Variants in USP46 observed in about 807,000 individuals in gnomAD.
The protein encoded by USP46 is ubiquitin carboxyl-terminal hydrolase 46.
A neutral mutation model predicts 44.4 loss-of-function variants in USP46; 12 were observed. The ratio of observed to expected loss-of-function variants is 0.27; its 90% CI spans 0.17 to 0.44. The LOEUF is 0.44. USP46 is among the 20% of genes least tolerant of loss of function. The pLI, the probability that USP46 is intolerant of heterozygous loss-of-function variation, is 1.00. For missense variants in USP46, 248 were observed against 444.8 expected (o/e 0.56, Z 3.98); for synonymous variants, 155 against 161.5 (o/e 0.96, Z 0.31).
At chr4:52,621,698 T>C (rs1020317924) in intron 4 of USP46, among the ~76,000 whole-genome samples, 3 of 151,984 alleles carry the variant, frequency 2.0e-5, no homozygotes, top group Admixed American at 6.6e-5. Flanking sequence ...GTAACTAACT[T>C]ACCACCACTT....
intron 1 of USP46, among the ~76,000 whole-genome samples, chr4:52,651,967 T>C (rs1718785370): frequency 6.6e-6 from 1 of 152,222 alleles, no homozygotes; most frequent in Non-Finnish European, 1.5e-5. Context: ...AATCCATCCC[T>C]ACCTTTCATG....
chr4:52,656,270 T>C, intron 1 of USP46: 7 of 1,550,568 alleles, frequency 4.5e-6, no homozygotes, highest in Non-Finnish European at 6.1e-6. Flanking sequence ...AGCTAAGCAG[T>C]GAGAAGGGAC....
At chr4:52,627,521 G>A (rs1018297225) in intron 3 of USP46, among the ~76,000 whole-genome samples, 1 of 152,204 alleles carries the variant, frequency 6.6e-6, no homozygotes, top group African/African-American at 2.4e-5. Context: ...CAGAGGTATT[G>A]TATTTAAAAC....
intron 4 of USP46, among the ~76,000 whole-genome samples, chr4:52,614,760 A>C (rs1437891800): frequency 6.6e-6 from 1 of 152,362 alleles, no homozygotes; most frequent in East Asian, 1.9e-4. Flanking sequence ...TAATTTTTGT[A>C]TAATATTCAC....
rs10023867 is a variant in USP46 at position 52,630,384 on chromosome 4, A to G, written c.117+680T>C. The stretch of plus-strand genomic sequence containing the variant: ...GCAATGTGCTGGTAATGTTTTTAAA[A>G]CACTGGTTGTACTGATGCATACTTA... On this transcript the variant is annotated intron_variant, in intron 2 of 8. Coordinates refer to ENST00000441222, the MANE Select transcript of USP46 (RefSeq NM_022832.4). Among the ~76,000 whole-genome samples, 1,029 of 152,320 alleles carry G rather than the reference A, an allele frequency of 6.8e-3. 10 individuals are homozygous for G. The highest frequency in any genetic ancestry group is 0.05 in the East Asian group (260 of 5,186).
chr4:52,626,331 A>ATT, intron 3 of USP46, 84 bp from the exon 4 acceptor site: 2 of 1,104,904 alleles, frequency 1.8e-6, no homozygotes, highest in Non-Finnish European at 2.5e-6. Flanking sequence ...ATACTTAAAT[A>ATT]TTTTTTTTTT....
chr4:52,659,102 C>T lies in USP46; in HGVS notation c.36+13G>A. 1 of 1,557,232 alleles carries T rather than the reference C, an allele frequency of 6.4e-7. No homozygotes were observed. The highest frequency in any genetic ancestry group is 1.7e-4 in the Middle Eastern group (1 of 5,936). On this transcript the variant is annotated intron_variant, in intron 1 of 8. Transcript: ENST00000441222. This position sits in a 1 kb window ranked among gnomAD's most constrained non-coding sequence, Gnocchi z 4.2. The stretch of plus-strand genomic sequence containing the variant: ...CGAGTCGGGCGCGACCCCGAGGCGG[C>T]TCGGCCACTCACCATATTACAGATG...
At chr4:52,598,763 C>T in intron 7 of USP46, 57 bp from the exon 8 acceptor site, 2 of 1,469,488 alleles carry the variant, frequency 1.4e-6, no homozygotes, top group East Asian at 2.4e-5. Flanking sequence ...CTTTATAAAA[C>T]TCTACTTAGC....
chr4:52,656,810 T>G (rs1577704577), intron 1 of USP46, among the ~76,000 whole-genome samples: 1 of 151,552 alleles, frequency 6.6e-6, no homozygotes, highest in African/African-American at 2.4e-5. Context: ...GAGGCTGAGG[T>G]GGGAGGACCA....
At chr4:52,632,480 C>T (rs984823081) in intron 1 of USP46, among the ~76,000 whole-genome samples, 1 of 152,140 alleles carries the variant, frequency 6.6e-6, no homozygotes, top group African/African-American at 2.4e-5. Flanking sequence ...AGACTAACAG[C>T]TCACAGAAAC....
chr4:52,639,186 A>C (rs1244254956), intron 1 of USP46, among the ~76,000 whole-genome samples: 1 of 152,256 alleles, frequency 6.6e-6, no homozygotes, highest in East Asian at 1.9e-4. Flanking sequence ...GTAGCATCAA[A>C]GTTTTAAATG....
intron 7 of USP46, 105 bp from the exon 8 acceptor site, chr4:52,598,811 G>T: frequency 9.5e-7 from 1 of 1,057,612 alleles, no homozygotes; most frequent in Non-Finnish European, 1.4e-6. Context: ...AAAAAACTAT[G>T]TCATCAGCGT....
At chr4:52,610,918 T>C (rs546929984) in intron 4 of USP46, among the ~76,000 whole-genome samples, 1 of 152,252 alleles carries the variant, frequency 6.6e-6, no homozygotes, top group South Asian at 2.1e-4. Context: ...GTAGGGAGTA[T>C]TATTAAATAT....
At chr4:52,632,977 AAAGAAAGAAAAGAAAAGAAAGAAAG>A (rs1560406048) in intron 1 of USP46, among the ~76,000 whole-genome samples, 61 of 83,788 alleles carry the variant, frequency 7.3e-4, no homozygotes, top group Middle Eastern at 0.011. Context: ...AGAAAGAAAG[AAAGAAAGAAAAGAAAAGAAAGAAAG>A]AAAGAAAGAA....
rs1715996320 is a variant in USP46, at chr4:52,591,229, A to G, written c.*6411T>C. ...TCTTTCCAGCAAGGTCCATTAAGAG[A>G]GACCGAAATATGAATATGGCTGCAT... On this transcript the variant is annotated 3_prime_UTR_variant, in exon 9 of 9. Transcript: ENST00000441222. The G allele has an allele frequency of 6.6e-6, 1 of 152,224 alleles. No individual in the cohort carries two copies. Among genetic ancestry groups the G allele is most frequent in the Non-Finnish European group, 1.5e-5 (1 of 68,040 alleles). The allele number at this position is 152,224 out of a possible 1,614,324, so 9.4% of individuals were successfully genotyped here.
At chr4:52,608,660 C>T (rs536993923) in intron 5 of USP46, among the ~76,000 whole-genome samples, 3 of 152,226 alleles carry the variant, frequency 2.0e-5, no homozygotes, top group Non-Finnish European at 4.4e-5. Flanking sequence ...CTCCACCCCC[C>T]ACTCTCCCTC....
chr4:52,598,411 C>A (rs1224615643), intron 8 of USP46, among the ~76,000 whole-genome samples: 2 of 152,140 alleles, frequency 1.3e-5, no homozygotes, highest in Non-Finnish European at 2.9e-5. Flanking sequence ...TATGGATGAA[C>A]CGTGGAGAAC....
intron 4 of USP46, among the ~76,000 whole-genome samples, chr4:52,622,766 T>C (rs1463480168): frequency 1.3e-5 from 2 of 152,228 alleles, no homozygotes; most frequent in Non-Finnish European, 2.9e-5. Flanking sequence ...TAACACAAGT[T>C]GAAACCTGAA....
intron 4 of USP46, among the ~76,000 whole-genome samples, chr4:52,614,223 G>C (rs1296008778): frequency 2.0e-5 from 3 of 152,094 alleles, no homozygotes; most frequent in African/African-American, 4.8e-5. Flanking sequence ...AGTCCTAGAA[G>C]GGGAGAAAAG....
Sources: gnomAD v4.1 joint callset for allele counts (sites outside exome capture counted in the v4.1 genomes callset) on GRCh38, gnomAD v4.1.1 for gene constraint, Gnocchi (gnomAD v3.1) non-coding constraint, MANE v1.5 for transcripts, NCBI Gene and HGNC (gene_info 2026-07-23, HGNC 2026-07-21) for gene names.